BMP6: variants seen among roughly 807,000 people sequenced by gnomAD.
BMP6 encodes VG-1-R.
A neutral mutation model predicts 54.1 loss-of-function variants in BMP6; 17 were observed. That is an observed-to-expected ratio of 0.31 (90% confidence interval 0.22 to 0.47). The LOEUF (loss-of-function observed/expected upper bound fraction) is 0.47, where lower values mean the gene tolerates loss of function less well. Ranked by LOEUF, BMP6 falls within the 20% of genes least tolerant of loss-of-function variation. The pLI, the probability that BMP6 is intolerant of heterozygous loss-of-function variation, is 1.00. For synonymous variants in BMP6, 328 were observed against 291.2 expected (o/e 1.13, Z -1.28); for missense variants, 720 against 690.4 (o/e 1.04, Z -0.48).
intron 1 of BMP6, among the ~76,000 whole-genome samples, chr6:7,829,123 T>C (rs1478033463): frequency 1.3e-5 from 2 of 152,264 alleles, no homozygotes; most frequent in Admixed American, 6.5e-5. Flanking sequence ...CCCATCGTCA[T>C]GGTCAGAAGT....
intron 1 of BMP6, among the ~76,000 whole-genome samples, chr6:7,803,577 C>T (rs1014676470): frequency 2.0e-5 from 3 of 152,204 alleles, no homozygotes; most frequent in African/African-American, 4.8e-5. Flanking sequence ...ATGCCACTGT[C>T]TCCACCTACA....
At position 7,726,804 on chromosome 6, in the gene BMP6, G is replaced by A. The variant is rs1038535393; in HGVS notation, c.-152G>A. On this transcript the variant is annotated 5_prime_UTR_variant, in exon 1 of 7. An upstream start codon of the reference 5' UTR is lost. Coordinates refer to ENST00000283147, the MANE Select transcript of BMP6 (RefSeq NM_001718.6). ...AACTGGGGGCGCCCCGGACGACCAT[G>A]AGAGATAAGGACTGAGGGCCAGGAA... 6.0e-6 allele frequency: 2 copies of A among 330,810 alleles called. No homozygotes were observed. The highest frequency in any genetic ancestry group is 1.3e-4 in the South Asian group (1 of 7,900). The allele number at this position is 330,810 out of a possible 1,614,324, so 20.5% of individuals were successfully genotyped here.
intron 1 of BMP6, among the ~76,000 whole-genome samples, chr6:7,783,661 T>C (rs1271097026): frequency 6.6e-6 from 1 of 152,230 alleles, no homozygotes. Context: ...TTTCATGTCT[T>C]CCCCCTCCTT....
At chr6:7,729,870 G>A (rs1761821286) in intron 1 of BMP6, among the ~76,000 whole-genome samples, 1 of 152,164 alleles carries the variant, frequency 6.6e-6, no homozygotes, top group South Asian at 2.1e-4. Context: ...CCAGGTAGCA[G>A]TATTTTTTTG....
At chr6:7,762,446 C>CT (rs1757627675) in intron 1 of BMP6, among the ~76,000 whole-genome samples, 1 of 152,232 alleles carries the variant, frequency 6.6e-6, no homozygotes, top group Non-Finnish European at 1.5e-5. Context: ...TGGGCACTGA[C>CT]TTTTGCTAAG....
chr6:7,853,522 C>G (rs976638866), intron 2 of BMP6, among the ~76,000 whole-genome samples: 1 of 152,156 alleles, frequency 6.6e-6, no homozygotes, highest in African/African-American at 2.4e-5. Context: ...AAAGTTCACC[C>G]TTTTTAGATA....
At chr6:7,751,796 T>C (rs78040429) in intron 1 of BMP6, among the ~76,000 whole-genome samples, 4,080 of 152,294 alleles carry the variant, frequency 0.027, 72 homozygotes, top group Non-Finnish European at 0.042. Flanking sequence ...ATGTAAGATG[T>C]TTTCTTTGTT....
At chr6:7,858,456 T>C (rs1298259648) in intron 2 of BMP6, among the ~76,000 whole-genome samples, 1 of 152,132 alleles carries the variant, frequency 6.6e-6, no homozygotes, top group African/African-American at 2.4e-5. Context: ...CAGCTGACTT[T>C]AGCATTTGTA....
At chr6:7,834,313 TATCATC>T (rs1758839409) in intron 1 of BMP6, among the ~76,000 whole-genome samples, 1 of 151,026 alleles carries the variant, frequency 6.6e-6, no homozygotes, top group Non-Finnish European at 1.5e-5. Context: ...CCAAAATGTG[TATCATC>T]AGAGTGAATC....
chr6:7,877,049 C>A (rs756748208), intron 4 of BMP6, among the ~76,000 whole-genome samples: 10 of 152,000 alleles, frequency 6.6e-5, no homozygotes, highest in Non-Finnish European at 8.8e-5. Flanking sequence ...GTGGCTGATT[C>A]ATTTTTGTTC....
chr6:7,746,211 T>C (rs1205286742), intron 1 of BMP6, among the ~76,000 whole-genome samples: 3 of 152,276 alleles, frequency 2.0e-5, no homozygotes, highest in African/African-American at 7.2e-5. Context: ...GCTGGCACAG[T>C]ACTCGGCAGG....
chr6:7,860,580 TTC>T (rs1759317840), intron 2 of BMP6, among the ~76,000 whole-genome samples: 1 of 152,200 alleles, frequency 6.6e-6, no homozygotes. Flanking sequence ...AAAGTCAGTC[TTC>T]CCTGAAGGGC....
chr6:7,735,568 T>A (rs1012917883), intron 1 of BMP6, among the ~76,000 whole-genome samples: 4 of 152,234 alleles, frequency 2.6e-5, no homozygotes, highest in Non-Finnish European at 5.9e-5. Context: ...GGAGAAGCTG[T>A]ACATTTTTTA....
intron 1 of BMP6, among the ~76,000 whole-genome samples, chr6:7,781,335 C>CATCAGAGGGG (rs1457748881): frequency 2.0e-5 from 3 of 151,684 alleles, no homozygotes; most frequent in Non-Finnish European, 3.0e-5. Context: ...CTCGTTCATA[C>CATCAGAGGGG]GTACCATGCC....
chr6:7,728,781 G>T (rs1761794862), intron 1 of BMP6, among the ~76,000 whole-genome samples: 4 of 152,180 alleles, frequency 2.6e-5, no homozygotes, highest in African/African-American at 9.7e-5. Context: ...CCTGAAGTGG[G>T]TGAGCAGACA....
chr6:7,804,218 A>AT (rs1370202649), intron 1 of BMP6, among the ~76,000 whole-genome samples: 1 of 152,172 alleles, frequency 6.6e-6, no homozygotes, highest in African/African-American at 2.4e-5. Context: ...TCTCTCAAGG[A>AT]TTATCCCACA....
At chr6:7,860,521 C>T (rs975446338) in intron 2 of BMP6, among the ~76,000 whole-genome samples, 5 of 152,212 alleles carry the variant, frequency 3.3e-5, no homozygotes, top group Non-Finnish European at 7.3e-5. Flanking sequence ...AGGAGACCCT[C>T]ACACCGTCAT....
At chr6:7,792,164 G>A (rs1758118790) in intron 1 of BMP6, among the ~76,000 whole-genome samples, 1 of 152,156 alleles carries the variant, frequency 6.6e-6, no homozygotes, top group Admixed American at 6.5e-5. Context: ...AAAGTGTCGA[G>A]GTGGAATCTC....
At chr6:7,764,753 C>G (rs1262018666) in intron 1 of BMP6, among the ~76,000 whole-genome samples, 2 of 152,152 alleles carry the variant, frequency 1.3e-5, no homozygotes, top group African/African-American at 4.8e-5. Flanking sequence ...GTAGCTGGGA[C>G]TACAGGTATG....
Sources: gnomAD v4.1 joint callset for allele counts (sites outside exome capture counted in the v4.1 genomes callset) on GRCh38, gnomAD v4.1.1 for gene constraint, MANE v1.5 for transcripts, NCBI Gene and HGNC (gene_info 2026-07-23, HGNC 2026-07-21) for gene names.